The following GHR variants were observed in gnomAD, a reference collection of about 807,000 sequenced individuals.
The protein encoded by GHR is GH receptor.
Under a neutral mutation model 67.1 loss-of-function variants are expected in GHR, and 35 were observed. The observed-to-expected ratio is 0.52, with a 90% CI of 0.40 to 0.69. The LOEUF (loss-of-function observed/expected upper bound fraction) is 0.69. GHR is among the 30% of genes least tolerant of loss of function. The pLI is 0.00. For synonymous variants in GHR, 272 were observed against 269.1 expected (o/e 1.01, Z -0.10); for missense variants, 792 against 764.6 (o/e 1.04, Z -0.42).
At chr5:42,599,591 C>T (rs1752259179) in intron 2 of GHR, among the ~76,000 whole-genome samples, 1 of 151,988 alleles carries the variant, frequency 6.6e-6, no homozygotes, top group African/African-American at 2.4e-5. Context: ...GAACTCCTGA[C>T]CTCGTGATCC....
At chr5:42,562,379 C>T (rs1749657191) in intron 1 of GHR, among the ~76,000 whole-genome samples, 1 of 152,162 alleles carries the variant, frequency 6.6e-6, no homozygotes, top group Non-Finnish European at 1.5e-5. Context: ...CCCTTATCTT[C>T]TGCTGAATCC....
At chr5:42,555,832 G>A (rs1749279293) in intron 1 of GHR, among the ~76,000 whole-genome samples, 1 of 152,112 alleles carries the variant, frequency 6.6e-6, no homozygotes, top group African/African-American at 2.4e-5. Flanking sequence ...TGGTAACGTC[G>A]GGACATGAAT....
chr5:42,538,812 A>G (rs949190981), intron 1 of GHR, among the ~76,000 whole-genome samples: 2 of 152,114 alleles, frequency 1.3e-5, no homozygotes, highest in Admixed American at 6.6e-5. Flanking sequence ...AGGAACACCA[A>G]TTATTCTTAG....
intron 3 of GHR, among the ~76,000 whole-genome samples, chr5:42,637,970 C>T (rs983192952): frequency 3.3e-5 from 5 of 152,152 alleles, no homozygotes; most frequent in Admixed American, 3.3e-4. Context: ...GACGGAGTCT[C>T]GCTTTGTCGC....
rs2910877 is a variant in GHR, at chr5:42,716,169, C to T, written c.876-1883C>T. On this transcript the variant is annotated intron_variant, in intron 8 of 9. Coordinates refer to ENST00000230882, the MANE Select transcript of GHR (RefSeq NM_000163.5). Reference sequence around the variant, plus strand: ...AAATACCAATTTCGAGATGCAGAATCAAAAAAAAAAAAACAAAACAGCGAA... The same window carrying T: ...AAATACCAATTTCGAGATGCAGAATTAAAAAAAAAAAAACAAAACAGCGAA... 8.7e-4 allele frequency among the ~76,000 whole-genome samples: 26 copies of T among 29,844 alleles called. No homozygotes were observed. The East Asian group carries it at 0.017, about 19-fold the overall frequency. The allele number at this position is 29,844 out of a possible 152,430, so 19.6% of individuals were successfully genotyped here.
intron 1 of GHR, among the ~76,000 whole-genome samples, chr5:42,501,881 A>G (rs1746555221): frequency 6.6e-6 from 1 of 152,174 alleles, no homozygotes; most frequent in South Asian, 2.1e-4. Flanking sequence ...AGATCCTATA[A>G]TCACCATGCT....
chr5:42,613,096 T>C (rs1421623851), intron 2 of GHR, among the ~76,000 whole-genome samples: 1 of 152,146 alleles, frequency 6.6e-6, no homozygotes, highest in East Asian at 1.9e-4. Flanking sequence ...TATTTCTGAT[T>C]GTGCTTTCTT....
In GHR at chr5:42,573,579, T is replaced by C. The variant is rs1002596734; in HGVS notation, c.70+7635T>C. 2.6e-5 allele frequency among the ~76,000 whole-genome samples: 4 copies of C among 152,256 alleles called. No individual in the cohort carries two copies. The East Asian group carries it at 5.8e-4, about 22-fold the overall frequency. ...TCTACACCACCTGCCTCCTGCCTGA[T>C]TAAATCTCCTCAAATATTGACAGAC... is the stretch of plus-strand genomic sequence containing the variant. On this transcript the variant is annotated intron_variant, in intron 2 of 9. Coordinates refer to ENST00000230882, the MANE Select transcript of GHR (RefSeq NM_000163.5).
intron 5 of GHR, among the ~76,000 whole-genome samples, chr5:42,697,619 G>A (rs1206084913): frequency 1.3e-5 from 2 of 152,190 alleles, no homozygotes; most frequent in East Asian, 1.9e-4. Flanking sequence ...CAGGCCGGCG[G>A]TGGAGTGGGC....
At chr5:42,594,590 A>G (rs1751968302) in intron 2 of GHR, among the ~76,000 whole-genome samples, 1 of 152,114 alleles carries the variant, frequency 6.6e-6, no homozygotes. Flanking sequence ...CCAACTGTGG[A>G]CTCTCTTTAG....
intron 3 of GHR, among the ~76,000 whole-genome samples, chr5:42,661,143 T>G (rs867182931): frequency 3.3e-5 from 5 of 152,236 alleles, no homozygotes; most frequent in East Asian, 1.9e-4. Context: ...GTACCTGAAA[T>G]TGACGGGGAG....
chr5:42,544,728 A>G (rs1162042435), intron 1 of GHR, among the ~76,000 whole-genome samples: 1 of 152,160 alleles, frequency 6.6e-6, no homozygotes, highest in Non-Finnish European at 1.5e-5. Context: ...AAAAAGTTCC[A>G]TATAAGGAAA....
intron 2 of GHR, among the ~76,000 whole-genome samples, chr5:42,591,405 T>A (rs1372204509): frequency 6.6e-6 from 1 of 152,192 alleles, no homozygotes; most frequent in Non-Finnish European, 1.5e-5. Context: ...GGTAGGATCT[T>A]TGGTTTTTAA....
At chr5:42,555,305 G>T (rs1028467544) in intron 1 of GHR, among the ~76,000 whole-genome samples, 31 of 152,180 alleles carry the variant, frequency 2.0e-4, no homozygotes, top group African/African-American at 7.5e-4. Context: ...TGAAGAAACT[G>T]CCATGTCAGC....
intron 3 of GHR, among the ~76,000 whole-genome samples, chr5:42,634,557 A>G (rs1474835671): frequency 6.6e-6 from 1 of 151,740 alleles, no homozygotes; most frequent in Non-Finnish European, 1.5e-5. Context: ...CAAAAAATAA[A>G]CAGAAGCCAA....
rs569803896 is a variant in GHR, at chr5:42,476,366, C to T, written c.-12+52411C>T. ...TCCCGAGTAGCTGGGATTACAGGCA[C>T]GCGCCACCATGCCCGGCTAAATTTT... On this transcript the variant is annotated intron_variant, in intron 1 of 9. Transcript: ENST00000230882. Among the ~76,000 whole-genome samples the T allele has an allele frequency of 1.8e-4, 28 of 151,822 alleles. No individual in the cohort carries two copies. The South Asian group carries it at 5.0e-3, about 27-fold the overall frequency.
At chr5:42,690,433 G>A (rs1757369853) in intron 4 of GHR, among the ~76,000 whole-genome samples, 1 of 152,166 alleles carries the variant, frequency 6.6e-6, no homozygotes, top group Non-Finnish European at 1.5e-5. Context: ...CAGAGTACTT[G>A]ACACATAATA....
intron 1 of GHR, among the ~76,000 whole-genome samples, chr5:42,512,615 C>T (rs1385549460): frequency 1.3e-5 from 2 of 152,116 alleles, no homozygotes; most frequent in Non-Finnish European, 2.9e-5. Context: ...TATACATAGA[C>T]AACCTACTTG....
rs371574329 is a variant in GHR, at chr5:42,702,077, C to A, written c.618+2075C>A. On this transcript the variant is annotated intron_variant, in intron 6 of 9. Transcript: ENST00000230882. The stretch of plus-strand genomic sequence containing the variant: ...TTTGTGTGTTGAGAACACTTAAAAT[C>A]TACTCAGAGATTTTCAAAATACAAT... Among the ~76,000 whole-genome samples, 7 of 152,146 alleles carry A rather than the reference C, an allele frequency of 4.6e-5. No homozygotes were observed. The East Asian group carries it at 9.7e-4, about 21-fold the overall frequency.
Sources: allele counts gnomAD v4.1 joint callset (sites outside exome capture counted in the v4.1 genomes callset), GRCh38; gene constraint gnomAD v4.1.1; transcripts MANE v1.5; gene names NCBI Gene and HGNC (gene_info 2026-07-23, HGNC 2026-07-21).